AHR: variants seen among roughly 807,000 people sequenced by gnomAD.
AHR encodes the protein aryl hydrocarbon receptor.
In AHR, 40 loss-of-function variants were observed where a neutral mutation model predicts 86.8. The ratio of observed to expected loss-of-function variants is 0.46; its 90% CI spans 0.36 to 0.60. The LOEUF is 0.60. AHR is among the 20% of genes least tolerant of loss of function. The pLI is 0.00. For missense variants in AHR, 1,001 were observed against 1,011.6 expected (o/e 0.99, Z 0.14); for synonymous variants, 398 against 354.9 (o/e 1.12, Z -1.37).
In AHR at chr7:17,299,036, C is replaced by G. The variant is rs543099679; in HGVS notation, c.-229C>G. 1 of 484,760 alleles carries G rather than the reference C, an allele frequency of 2.1e-6. No homozygotes were observed. The highest frequency in any genetic ancestry group is 2.0e-5 in the African/African-American group (1 of 49,124). The allele number at this position is 484,760 out of a possible 1,614,324, so 30.0% of individuals were successfully genotyped here. A position where few individuals can be genotyped will look rare whatever the true frequency, so the allele number is the denominator to read the frequency against. On this transcript the variant is annotated 5_prime_UTR_variant, in exon 1 of 11. Coordinates refer to ENST00000242057, the MANE Select transcript of AHR (RefSeq NM_001621.5). Reference sequence around the variant, plus strand: ...GGTCTCCGCCCCTCGCCCACCCTCACTGCGCCAGGCCCAGGCAGCTCACCT... The same window carrying G: ...GGTCTCCGCCCCTCGCCCACCCTCAGTGCGCCAGGCCCAGGCAGCTCACCT...
At chr7:17,340,347 G>T (rs1782407339) in intron 10 of AHR, 119 bp downstream of exon 10, 6 of 1,315,640 alleles carry the variant, frequency 4.6e-6, no homozygotes, top group South Asian at 1.9e-5. Flanking sequence ...CATGGAGACA[G>T]CATTTTTTAT....
chr7:17,304,259 A>C (rs938978346), intron 1 of AHR, among the ~76,000 whole-genome samples: 1 of 152,114 alleles, frequency 6.6e-6, no homozygotes, highest in Non-Finnish European at 1.5e-5. Flanking sequence ...GTCTCACTTT[A>C]ACCTTTTTCA....
intron 1 of AHR, among the ~76,000 whole-genome samples, chr7:17,306,382 A>G (rs538910216): frequency 9.2e-5 from 14 of 152,318 alleles, no homozygotes; most frequent in African/African-American, 3.4e-4. Flanking sequence ...TACCTTTGTT[A>G]GCTTTAACAA....
At position 17,335,010 on chromosome 7, in the gene AHR, C is replaced by G. The variant is rs1264545908; in HGVS notation, c.1018+14C>G. The G allele has an allele frequency of 6.3e-7, 1 of 1,583,152 alleles. No homozygotes were observed. The highest frequency in any genetic ancestry group is 8.7e-7 in the Non-Finnish European group (1 of 1,154,294). On this transcript the variant is annotated intron_variant, in intron 8 of 10. Transcript: ENST00000242057. ...CCCATATCCGAAGTAAGTTGTAGTTCCTTATGAACATGTCAGAAGAAAACG... is the reference window on the plus strand; with the variant it reads ...CCCATATCCGAAGTAAGTTGTAGTTGCTTATGAACATGTCAGAAGAAAACG...
At chr7:17,333,884 AC>A in intron 6 of AHR, 27 bp from the exon 7 acceptor site, 1 of 1,584,542 alleles carries the variant, frequency 6.3e-7, no homozygotes. Flanking sequence ...ATTTTAATGA[AC>A]TTTTTTGTTG....
At chr7:17,337,626 C>G (rs1302154501) in intron 9 of AHR, among the ~76,000 whole-genome samples, 4 of 151,486 alleles carry the variant, frequency 2.6e-5, no homozygotes, top group Non-Finnish European at 4.4e-5. Flanking sequence ...AGGCGCCCGC[C>G]ACTACGCCCG....
intron 1 of AHR, among the ~76,000 whole-genome samples, chr7:17,305,405 T>C (rs1781995607): frequency 6.6e-6 from 1 of 152,090 alleles, no homozygotes; most frequent in Non-Finnish European, 1.5e-5. Flanking sequence ...AGTTGGGCTT[T>C]ATTGGGTGTA....
chr7:17,301,686 G>A (rs1781956428), intron 1 of AHR, among the ~76,000 whole-genome samples: 1 of 151,632 alleles, frequency 6.6e-6, no homozygotes, highest in Admixed American at 6.6e-5. Context: ...CCCTAGTGGC[G>A]GCTCTCACAT....
chr7:17,338,962 A>C, intron 9 of AHR, 24 bp from the exon 10 acceptor site: 1 of 1,521,762 alleles, frequency 6.6e-7, no homozygotes, highest in Non-Finnish European at 8.8e-7. Context: ...TTTTTTTCTA[A>C]GACTTTTTTG....
chr7:17,312,768 C>T (rs1290714414), intron 2 of AHR, among the ~76,000 whole-genome samples: 1 of 152,156 alleles, frequency 6.6e-6, no homozygotes, highest in African/African-American at 2.4e-5. Context: ...TTATCATTAT[C>T]TTTAACGTTA....
intron 2 of AHR, among the ~76,000 whole-genome samples, chr7:17,322,216 G>A (rs1782181868): frequency 6.6e-6 from 1 of 151,920 alleles, no homozygotes; most frequent in Non-Finnish European, 1.5e-5. Context: ...TAAGTTTTGT[G>A]ACAAAATTAT....
intron 1 of AHR, among the ~76,000 whole-genome samples, chr7:17,306,607 T>C (rs1362856990): frequency 6.6e-6 from 1 of 152,170 alleles, no homozygotes; most frequent in Non-Finnish European, 1.5e-5. Flanking sequence ...TACCTAAATG[T>C]TGGTATTACT....
rs780157768 is a variant in AHR, at chr7:17,339,925, T to C, written c.2100T>C (p.Phe700=). The C allele has an allele frequency of 6.8e-6, 11 of 1,614,094 alleles. No individual in the cohort carries two copies. The highest frequency in any genetic ancestry group is 9.3e-6 in the Non-Finnish European group (11 of 1,180,028). ...EMDSMPYTQN[F]ISCNQPVLPQ... is the part of the protein sequence containing the mutation. ...ATTCTATGCCTTATACACAGAACTTTATTTCCTGTAATCAGCCTGTATTAC... is the reference window on the plus strand; with the variant it reads ...ATTCTATGCCTTATACACAGAACTTCATTTCCTGTAATCAGCCTGTATTAC... The change falls in exon 10 of 11, where the codon TTT becomes TTC. Residue 700 remains phenylalanine (F), a synonymous_variant. Transcript: ENST00000242057.
Position 17,343,041 on chromosome 7 carries a change from T to G in AHR, c.2524T>G (p.Leu842Val). 1 of 1,613,930 alleles carries G rather than the reference T, an allele frequency of 6.2e-7. No homozygotes were observed. The highest frequency in any genetic ancestry group is 8.5e-7 in the Non-Finnish European group (1 of 1,179,876). Residue 842 changes from leucine (L) to valine (V), a missense_variant, in exon 11 of 11, where the codon TTG becomes GTG. Transcript: ENST00000242057. ...GTCAGAAGCCAGACCTTTTCCTGAT[T>G]TGACATCCAGTGGATTCCTGTAATT... is the stretch of plus-strand genomic sequence containing the variant. Reference protein sequence around the residue: ...HPSEARPFPDLTSSGFL With the variant: ...HPSEARPFPDVTSSGFL
chr7:17,336,370 GTGT>G (rs1381929831), intron 9 of AHR, among the ~76,000 whole-genome samples: 1 of 152,048 alleles, frequency 6.6e-6, no homozygotes, highest in East Asian at 1.9e-4. Context: ...TGTCTGGATT[GTGT>G]TGTTCTATTA....
rs1205376200 is a variant in AHR, at chr7:17,298,897, G to A, written c.-368G>A. The A allele has an allele frequency of 2.0e-5, 8 of 405,986 alleles. No individual in the cohort carries two copies. The highest frequency in any genetic ancestry group is 3.5e-5 in the Non-Finnish European group (8 of 231,174). The allele number at this position is 405,986 out of a possible 1,614,324, so 25.1% of individuals were successfully genotyped here. A position where few individuals can be genotyped will look rare whatever the true frequency, so the allele number is the denominator to read the frequency against. On this transcript the variant is annotated 5_prime_UTR_variant, in exon 1 of 11. Coordinates refer to ENST00000242057, the MANE Select transcript of AHR (RefSeq NM_001621.5). Reference sequence around the variant, plus strand: ...CGCGGCGCCACCGTGAGCGACCCAGGCCAGGATTCTAAATAGACGGCCCAG... The same window carrying A: ...CGCGGCGCCACCGTGAGCGACCCAGACCAGGATTCTAAATAGACGGCCCAG...
intron 2 of AHR, among the ~76,000 whole-genome samples, chr7:17,318,590 G>A (rs940385180): frequency 2.0e-5 from 3 of 152,038 alleles, no homozygotes; most frequent in Non-Finnish European, 4.4e-5. Context: ...TCACTGATGG[G>A]GAAGATTTTA....
Position 17,339,288 on chromosome 7 carries a change from A to T in AHR, c.1463A>T (p.Glu488Val), listed in dbSNP as rs1420401702. 1.2e-6 allele frequency: 2 copies of T among 1,614,076 alleles called. No individual in the cohort carries two copies. The highest frequency in any genetic ancestry group is 1.3e-5 in the African/African-American group (1 of 74,934). The change falls in exon 10 of 11, where the codon GAA becomes GTA. Residue 488 changes from glutamate to valine, a missense_variant. This residue lies in a region of AHR where 607 missense variants were observed against 543.1 expected (regional missense o/e 1.12). Transcript: ENST00000242057. ...TAPFENNFFN[E>V]SMNECRNWQD... Reference sequence around the variant, plus strand: ...CCTTTTGAAAACAACTTTTTCAACGAATCTATGAATGAATGCAGAAATTGG... The same window carrying T: ...CCTTTTGAAAACAACTTTTTCAACGTATCTATGAATGAATGCAGAAATTGG...
At position 17,330,799 on chromosome 7, in the gene AHR, C is replaced by T. The variant is rs753610053; in HGVS notation, c.618C>T (p.Asp206=). The change falls in exon 6 of 11, where the codon GAC becomes GAT. Residue 206 remains aspartate, a synonymous_variant. Coordinates refer to ENST00000242057, the MANE Select transcript of AHR (RefSeq NM_001621.5). ...LPQTVVCYNP[D]QIPPENSPLM... is the part of the protein sequence containing the mutation. Reference sequence around the variant, plus strand: ...AGACAGTAGTCTGTTATAACCCAGACCAGATTCCTCCAGAAAACTCTCCTT... The same window carrying T: ...AGACAGTAGTCTGTTATAACCCAGATCAGATTCCTCCAGAAAACTCTCCTT... 5.6e-6 allele frequency: 9 copies of T among 1,612,316 alleles called. No individual in the cohort carries two copies. The highest frequency in any genetic ancestry group is 1.3e-5 in the African/African-American group (1 of 74,958).
Sources: allele counts gnomAD v4.1 joint callset (sites outside exome capture counted in the v4.1 genomes callset), GRCh38; gene constraint gnomAD v4.1.1; regional missense constraint gnomAD v4.1.1; transcripts MANE v1.5; gene names NCBI Gene and HGNC (gene_info 2026-07-23, HGNC 2026-07-21).